The following DYNLT2 variants were observed in gnomAD, a reference collection of about 807,000 sequenced individuals.
DYNLT2 encodes the protein dynein light chain Tctex-type protein 2.
Under a neutral mutation model 24.3 loss-of-function variants are expected in DYNLT2, and 24 were observed. That is an observed-to-expected ratio of 0.99 (90% CI 0.71 to 1.39). The LOEUF (loss-of-function observed/expected upper bound fraction) is 1.39, where lower values mean the gene tolerates loss of function less well. DYNLT2 is among the 40% of genes most tolerant of loss of function. The probability of loss-of-function intolerance (pLI) is 0.00; values close to 1 mark genes in which losing one functional copy is unlikely to be tolerated. For missense variants in DYNLT2, 246 were observed against 234.5 expected (o/e 1.05, Z -0.32); for synonymous variants, 85 against 85.4 (o/e 1.00, Z 0.03).
chr6:169,743,590 A>C (rs148284806), intron 2 of DYNLT2, among the ~76,000 whole-genome samples: 1,650 of 152,268 alleles, frequency 0.011, 14 homozygotes, highest in African/African-American at 0.023. Context: ...AACCTTTTTA[A>C]ATTTATACAT....
intron 2 of DYNLT2, 125 bp from the exon 3 acceptor site, chr6:169,743,363 T>A: frequency 2.6e-6 from 1 of 389,610 alleles, no homozygotes. Flanking sequence ...TATTCCTAAC[T>A]AAATAATATT....
At chr6:169,740,810 ATTT>A (rs35611898) in intron 3 of DYNLT2, among the ~76,000 whole-genome samples, 1 of 144,330 alleles carries the variant, frequency 6.9e-6, no homozygotes, top group Non-Finnish European at 1.5e-5. Context: ...AATGGCCCCA[ATTT>A]TTTTTTTTTT....
intron 1 of DYNLT2, among the ~76,000 whole-genome samples, chr6:169,747,029 T>C (rs1047677779): frequency 1.3e-5 from 2 of 151,078 alleles, no homozygotes; most frequent in African/African-American, 4.8e-5. Flanking sequence ...TAGGACATAG[T>C]AGGGACTTTA....
chr6:169,748,234 G>C (rs1789856034), intron 1 of DYNLT2, among the ~76,000 whole-genome samples: 1 of 152,142 alleles, frequency 6.6e-6, no homozygotes. Flanking sequence ...GGGGCGGTTT[G>C]TGCATCCCTG....
intron 1 of DYNLT2, among the ~76,000 whole-genome samples, chr6:169,749,353 G>A (rs1789889590): frequency 1.3e-5 from 2 of 152,220 alleles, no homozygotes; most frequent in African/African-American, 4.8e-5. Context: ...CATCCGCCTT[G>A]GCCTCCCAAA....
the DYNLT2 span, among the ~76,000 whole-genome samples, chr6:169,731,055 G>A: frequency 2.6e-5 from 4 of 152,050 alleles, no homozygotes; most frequent in Admixed American, 6.5e-5. Flanking sequence ...AGGTTTTCTT[G>A]GTACAGGTCT....
At position 169,744,230 on chromosome 6, in the gene DYNLT2, A is replaced by G. The variant is rs1789743138; in HGVS notation, c.165T>C (p.Asn55=). The part of the protein sequence containing the change: ...LRERLRESIH[N]VQYVEPPFDD... ...CAAAAGGAGGCTCCACATACTGAACATTGTGAATTGACTCTCTCAGTCTTT... is the reference window on the plus strand; with the variant it reads ...CAAAAGGAGGCTCCACATACTGAACGTTGTGAATTGACTCTCTCAGTCTTT... The change falls in exon 2 of 4, where the codon AAT becomes AAC. Residue 55 remains asparagine (N), a synonymous_variant. Coordinates refer to ENST00000366774, the MANE Select transcript of DYNLT2 (RefSeq NM_174910.3). 7 of 1,613,802 alleles carry G rather than the reference A, an allele frequency of 4.3e-6. No homozygotes were observed. The highest frequency in any genetic ancestry group is 5.9e-6 in the Non-Finnish European group (7 of 1,179,956).
downstream of DYNLT2, among the ~76,000 whole-genome samples, chr6:169,737,848 A>G (rs4716341): frequency 0.41 from 62,626 of 151,974 alleles, 15,053 homozygotes; most frequent in East Asian, 0.97. Context: ...TAGAGAGGGT[A>G]TGTTTCACTG....
chr6:169,734,346 A>G, the DYNLT2 span, among the ~76,000 whole-genome samples: 1 of 152,226 alleles, frequency 6.6e-6, no homozygotes, highest in Non-Finnish European at 1.5e-5. Context: ...GAGAGAGGGC[A>G]TCCTTGTCTT....
At chr6:169,744,017 C>A (rs1282826050) in intron 2 of DYNLT2, 51 bp downstream of exon 2, 1 of 1,531,556 alleles carries the variant, frequency 6.5e-7, no homozygotes, top group South Asian at 1.2e-5. Context: ...ATTTCTGTTT[C>A]TCTGTAGAAC....
At chr6:169,745,721 G>C (rs1456355694) in intron 1 of DYNLT2, among the ~76,000 whole-genome samples, 1 of 152,162 alleles carries the variant, frequency 6.6e-6, no homozygotes, top group Non-Finnish European at 1.5e-5. Flanking sequence ...ACATGATACA[G>C]GTCTGTAATT....
chr6:169,741,477 A>C (rs1476633950), intron 3 of DYNLT2, among the ~76,000 whole-genome samples: 1 of 152,190 alleles, frequency 6.6e-6, no homozygotes, highest in Non-Finnish European at 1.5e-5. Context: ...AGAAAAGCCA[A>C]GTAGCTGACC....
intron 1 of DYNLT2, chr6:169,750,606 T>C (rs921672122): frequency 5.3e-5 from 8 of 152,218 alleles, no homozygotes; most frequent in African/African-American, 1.7e-4. Flanking sequence ...TATAGGCCAA[T>C]TGGACCGAGT....
At chr6:169,749,824 A>C (rs1356479914) in intron 1 of DYNLT2, 1 of 152,228 alleles carries the variant, frequency 6.6e-6, no homozygotes, top group Non-Finnish European at 1.5e-5. Context: ...AAGACAGATA[A>C]AATCAAGAGA....
the DYNLT2 span, among the ~76,000 whole-genome samples, chr6:169,732,902 C>T: frequency 2.0e-5 from 3 of 152,194 alleles, no homozygotes; most frequent in African/African-American, 7.2e-5. Context: ...TTCTCACCAA[C>T]AGTGTAAAAG....
chr6:169,748,615 A>G (rs1189015002), intron 1 of DYNLT2, among the ~76,000 whole-genome samples: 1 of 152,164 alleles, frequency 6.6e-6, no homozygotes, highest in African/African-American at 2.4e-5. Flanking sequence ...AGCTCCCTAA[A>G]CCTCTTAAAA....
chr6:169,725,351 G>A, the DYNLT2 span: 3 of 398,618 alleles, frequency 7.5e-6, no homozygotes, highest in Non-Finnish European at 1.3e-5. Context: ...GAAAGATAAA[G>A]GGATTATTCT....
chr6:169,751,301 C>A (rs374108355), intron 1 of DYNLT2, 38 bp downstream of exon 1: 4 of 1,600,270 alleles, frequency 2.5e-6, no homozygotes, highest in East Asian at 2.2e-5. Flanking sequence ...AACGGTCGGA[C>A]ATAGCCGTCT....
At chr6:169,746,231 T>C (rs1480654532) in intron 1 of DYNLT2, among the ~76,000 whole-genome samples, 1 of 152,170 alleles carries the variant, frequency 6.6e-6, no homozygotes, top group East Asian at 1.9e-4. Flanking sequence ...TGTTGGTACC[T>C]GATTTCAATT....
Sources: allele counts gnomAD v4.1 joint callset (sites outside exome capture counted in the v4.1 genomes callset), GRCh38; gene constraint gnomAD v4.1.1; transcripts MANE v1.5; gene names NCBI Gene and HGNC (gene_info 2026-07-23, HGNC 2026-07-21).